The following ZFHX3 variants were observed in gnomAD, a reference collection of about 807,000 sequenced individuals.
ZFHX3 encodes zinc finger homeobox protein 3.
ZFHX3 carries 42 observed loss-of-function variants against 279.1 expected under a neutral mutation model. That is an observed-to-expected ratio of 0.15 (90% CI 0.12 to 0.19). The LOEUF (loss-of-function observed/expected upper bound fraction) is 0.19, where lower values mean the gene tolerates loss of function less well. Among genes scored for constraint, ZFHX3 ranks in the 10% least tolerant of loss-of-function variants. The pLI, the probability that ZFHX3 is intolerant of heterozygous loss-of-function variation, is 1.00. For missense variants in ZFHX3, 4,981 were observed against 4,754.0 expected (o/e 1.05, Z -1.40); for synonymous variants, 2,293 against 1,957.8 (o/e 1.17, Z -4.52).
intron 5 of ZFHX3, among the ~76,000 whole-genome samples, chr16:73,174,266 AAACAACAACAAC>A (rs140975222): frequency 0.27 from 40,326 of 148,992 alleles, 5,689 homozygotes; most frequent in Middle Eastern, 0.34. Flanking sequence ...TGTTCACACA[AAACAACAACAAC>A]AACAACAACA....
chr16:73,791,171 C>T (rs1597117210), intron 1 of ZFHX3, among the ~76,000 whole-genome samples: 1 of 151,826 alleles, frequency 6.6e-6, no homozygotes, highest in African/African-American at 2.4e-5. Context: ...TGCTGTGTTG[C>T]CCAGGCTGGT....
intron 3 of ZFHX3, among the ~76,000 whole-genome samples, chr16:73,367,745 G>A (rs2143331107): frequency 6.6e-6 from 1 of 152,262 alleles, no homozygotes; most frequent in East Asian, 1.9e-4. Flanking sequence ...TAAAATGGGT[G>A]GCATTACTTA....
In ZFHX3 at chr16:73,399,033, A is replaced by T. The variant is rs1254184412; in HGVS notation, c.-1291+56970T>A. 2.1e-5 allele frequency among the ~76,000 whole-genome samples: 3 copies of T among 139,580 alleles called. No individual in the cohort carries two copies. In the South Asian group the frequency reaches 7.1e-4, roughly 33 times the overall value. The allele number at this position is 139,580 out of a possible 152,430, so 91.6% of individuals were successfully genotyped here. ...GCATGCACCACCATGCCCCCCGCTA[A>T]TTTTTTTTTTTTTTTTGTATTTTTA... On this transcript the variant is annotated intron_variant, in intron 3 of 17. Coordinates refer to the ZFHX3 transcript ENST00000641206.
intron 4 of ZFHX3, among the ~76,000 whole-genome samples, chr16:73,290,587 A>C (rs2014743634): frequency 6.6e-6 from 1 of 152,176 alleles, no homozygotes; most frequent in Admixed American, 6.5e-5. Flanking sequence ...AGAGAGGTGG[A>C]AAAGGACCCC....
chr16:73,330,060 G>A (rs2015770416), intron 3 of ZFHX3, among the ~76,000 whole-genome samples: 1 of 152,152 alleles, frequency 6.6e-6, no homozygotes, highest in Non-Finnish European at 1.5e-5. Flanking sequence ...GGGACACAAT[G>A]CAGACCTTTG....
At chr16:73,332,057 TG>T (rs2015815660) in intron 3 of ZFHX3, among the ~76,000 whole-genome samples, 1 of 152,254 alleles carries the variant, frequency 6.6e-6, no homozygotes, top group African/African-American at 2.4e-5. Context: ...TCAGACAACG[TG>T]GCTTTTATAG....
At chr16:73,349,105 C>T (rs2016175168) in intron 3 of ZFHX3, among the ~76,000 whole-genome samples, 1 of 152,192 alleles carries the variant, frequency 6.6e-6, no homozygotes, top group South Asian at 2.1e-4. Flanking sequence ...ATTTTTCACA[C>T]TTTCCCACTC....
chr16:73,564,145 C>A (rs2020416137), intron 2 of ZFHX3, among the ~76,000 whole-genome samples: 1 of 152,156 alleles, frequency 6.6e-6, no homozygotes, highest in Admixed American at 6.5e-5. Flanking sequence ...TCACAAGTCT[C>A]CATCTAGATG....
At chr16:73,257,754 T>C (rs760673166) in intron 4 of ZFHX3, among the ~76,000 whole-genome samples, 5 of 152,210 alleles carry the variant, frequency 3.3e-5, no homozygotes, top group Admixed American at 6.5e-5. Context: ...CCATAATTAG[T>C]TATTAATCCT....
chr16:73,505,421 C>G (rs751973751), intron 2 of ZFHX3, among the ~76,000 whole-genome samples: 15 of 152,112 alleles, frequency 9.9e-5, no homozygotes, highest in Non-Finnish European at 2.1e-4. Context: ...CCCCTACCCC[C>G]TTCAATGATG....
chr16:73,779,583 T>G lies in ZFHX3; in HGVS notation c.-1607-99343A>C, dbSNP rs1422325114. On this transcript the variant is annotated intron_variant, in intron 1 of 17. Coordinates refer to the ZFHX3 transcript ENST00000641206. ...TTAAGACCCACAAAGATAGATAAGG[T>G]CCTAATCTACTAGGACCACGAATCA... 9.2e-5 allele frequency among the ~76,000 whole-genome samples: 14 copies of G among 152,162 alleles called. No homozygotes were observed. In the South Asian group the frequency reaches 2.7e-3, roughly 29 times the overall value.
chr16:73,557,562 A>T (rs1221720298), intron 2 of ZFHX3, among the ~76,000 whole-genome samples: 1 of 152,160 alleles, frequency 6.6e-6, no homozygotes, highest in African/African-American at 2.4e-5. Flanking sequence ...TCCCCTTTTT[A>T]GACCATATAG....
At chr16:72,978,298 C>T (rs1028142853) in intron 1 of ZFHX3, among the ~76,000 whole-genome samples, 3 of 152,170 alleles carry the variant, frequency 2.0e-5, no homozygotes, top group African/African-American at 7.2e-5. Context: ...TTTCCTATTA[C>T]CCTCTCACAC....
intron 3 of ZFHX3, among the ~76,000 whole-genome samples, chr16:72,905,553 A>G (rs1299760743): frequency 1.3e-5 from 2 of 152,146 alleles, no homozygotes; most frequent in East Asian, 3.9e-4. Context: ...AAGACCACAG[A>G]AGAAAGGAAG....
intron 2 of ZFHX3, among the ~76,000 whole-genome samples, chr16:73,517,977 GC>G (rs1469961443): frequency 2.6e-5 from 4 of 152,084 alleles, no homozygotes; most frequent in African/African-American, 9.7e-5. Context: ...ATTTTATTCA[GC>G]CCAGTATATT....
intron 5 of ZFHX3, among the ~76,000 whole-genome samples, chr16:73,196,868 T>C (rs1597214921): frequency 1.3e-5 from 2 of 152,172 alleles, no homozygotes; most frequent in Admixed American, 1.3e-4. Flanking sequence ...CTAAGTGGCA[T>C]TCCTTGGATG....
At chr16:73,233,910 T>C (rs2012859077) in intron 5 of ZFHX3, 1 of 152,192 alleles carries the variant, frequency 6.6e-6, no homozygotes, top group African/African-American at 2.4e-5. Flanking sequence ...CCAAGTTTCC[T>C]GAGCAGGAGA....
At chr16:73,761,637 CAT>C (rs2053868049) in intron 1 of ZFHX3, among the ~76,000 whole-genome samples, 1 of 152,068 alleles carries the variant, frequency 6.6e-6, no homozygotes, top group Non-Finnish European at 1.5e-5. Context: ...AAAACAGACA[CAT>C]AGACCAATGG....
At chr16:73,262,694 C>A (rs950624547) in intron 4 of ZFHX3, among the ~76,000 whole-genome samples, 1 of 152,122 alleles carries the variant, frequency 6.6e-6, no homozygotes, top group Non-Finnish European at 1.5e-5. Flanking sequence ...CTCCTCTTAT[C>A]AAGAAAAAGA....
Sources: allele counts gnomAD v4.1 joint callset (sites outside exome capture counted in the v4.1 genomes callset), GRCh38; gene constraint gnomAD v4.1.1; transcripts MANE v1.5; gene names NCBI Gene and HGNC (gene_info 2026-07-23, HGNC 2026-07-21).